The following LRRFIP1 variants were observed in gnomAD, a reference collection of about 807,000 sequenced individuals.
The protein encoded by LRRFIP1 is LRR binding FLII interacting protein 1.
In LRRFIP1, 62 loss-of-function variants were observed where a neutral mutation model predicts 104.4. That is an observed-to-expected ratio of 0.59 (90% confidence interval 0.48 to 0.73). LRRFIP1 has a LOEUF of 0.73. Ranked by LOEUF, LRRFIP1 falls within the 30% of genes least tolerant of loss-of-function variation. LRRFIP1 has a pLI of 0.00. For synonymous variants in LRRFIP1, 300 were observed against 299.0 expected (o/e 1.00, Z -0.03); for missense variants, 796 against 824.5 (o/e 0.97, Z 0.42).
At chr2:237,734,544 T>C (rs916811999) in intron 9 of LRRFIP1, among the ~76,000 whole-genome samples, 47 of 152,072 alleles carry the variant, frequency 3.1e-4, no homozygotes, top group African/African-American at 1.1e-3. Context: ...CCTCCCAGAG[T>C]GCTAGGATTA....
At chr2:237,639,009 T>A (rs907476874) in intron 1 of LRRFIP1, among the ~76,000 whole-genome samples, 3 of 152,210 alleles carry the variant, frequency 2.0e-5, no homozygotes, top group Admixed American at 6.5e-5. Context: ...TTCTTTTTTT[T>A]ATCCGAGAAA....
intron 16 of LRRFIP1, among the ~76,000 whole-genome samples, chr2:237,756,989 A>G (rs905163388): frequency 6.6e-6 from 1 of 151,640 alleles, no homozygotes; most frequent in Non-Finnish European, 1.5e-5. Flanking sequence ...CCATGAGCCA[A>G]GGAAAGCAGC....
At chr2:237,773,053 A>G (rs2060785456) in intron 22 of LRRFIP1, 108 bp downstream of exon 22, 8 of 821,842 alleles carry the variant, frequency 9.7e-6, no homozygotes, top group Non-Finnish European at 1.6e-5. Context: ...TTTAGAACCA[A>G]GAAATGTCCT....
intron 19 of LRRFIP1, among the ~76,000 whole-genome samples, chr2:237,767,330 C>T (rs1048324625): frequency 5.9e-5 from 9 of 152,162 alleles, no homozygotes; most frequent in Admixed American, 2.0e-4. Flanking sequence ...TATCCCCAGA[C>T]GAACCTAGAC....
chr2:237,750,184 G>T (rs2058403442), intron 13 of LRRFIP1, among the ~76,000 whole-genome samples: 1 of 152,190 alleles, frequency 6.6e-6, no homozygotes, highest in Admixed American at 6.5e-5. Context: ...TTTGGCCAGG[G>T]TTACCTTGAA....
rs1553617358 is a variant in LRRFIP1, at chr2:237,645,372, G to GACTCCTGTGTGAATGA, written c.96+17632_96+17633insACTCCTGTGTGAATGA. Among the ~76,000 whole-genome samples the GACTCCTGTGTGAATGA allele has an allele frequency of 4.9e-4, 75 of 152,058 alleles. 1 individual carries two copies. Among genetic ancestry groups the GACTCCTGTGTGAATGA allele is most frequent in the Non-Finnish European group, 7.4e-4 (50 of 67,978 alleles). ...TGGCTGTGTTCCTTCCCTCCTCACT[G>GACTCCTGTGTGAATGA]CCAAGATGCTGCTGAGCCCTGGTCT... On this transcript the variant is annotated intron_variant, in intron 1 of 23. Transcript: ENST00000308482.
chr2:237,720,689 G>C, intron 5 of LRRFIP1, 83 bp from the exon 6 acceptor site: 1 of 1,274,656 alleles, frequency 7.8e-7, no homozygotes, highest in Non-Finnish European at 1.1e-6. Flanking sequence ...TCAGTTCCCA[G>C]CATCCCCCTG....
chr2:237,688,344 T>C (rs1159692716), intron 1 of LRRFIP1, among the ~76,000 whole-genome samples: 1 of 152,152 alleles, frequency 6.6e-6, no homozygotes, highest in Non-Finnish European at 1.5e-5. Flanking sequence ...TGGATCATCC[T>C]TACCAAAAGA....
At chr2:237,653,241 T>C (rs960838037) in intron 1 of LRRFIP1, among the ~76,000 whole-genome samples, 1 of 151,628 alleles carries the variant, frequency 6.6e-6, no homozygotes, top group Non-Finnish European at 1.5e-5. Context: ...AAAAGAAAAA[T>C]AAAGAAAAGA....
chr2:237,662,465 G>A (rs2088199283), intron 1 of LRRFIP1, among the ~76,000 whole-genome samples: 1 of 152,102 alleles, frequency 6.6e-6, no homozygotes, highest in African/African-American at 2.4e-5. Flanking sequence ...AAGGTGTGGT[G>A]TGTGCCATGT....
chr2:237,745,878 C>G (rs1293491042), intron 11 of LRRFIP1, among the ~76,000 whole-genome samples: 2 of 152,034 alleles, frequency 1.3e-5, no homozygotes, highest in Non-Finnish European at 2.9e-5. Flanking sequence ...CATATCCCAC[C>G]AAGAGTTAAA....
chr2:237,773,085 C>T, intron 22 of LRRFIP1, 140 bp downstream of exon 22: 1 of 644,466 alleles, frequency 1.6e-6, no homozygotes, highest in Middle Eastern at 2.5e-4. Context: ...GTTAAGACAG[C>T]AAGTCTTTCC....
chr2:237,702,322 C>G (rs1575612736), intron 1 of LRRFIP1, among the ~76,000 whole-genome samples: 1 of 152,152 alleles, frequency 6.6e-6, no homozygotes, highest in African/African-American at 2.4e-5. Flanking sequence ...CCAGCCATCC[C>G]CACCCTCAAA....
intron 2 of LRRFIP1, among the ~76,000 whole-genome samples, chr2:237,709,548 C>T (rs541963601): frequency 3.3e-5 from 5 of 152,324 alleles, no homozygotes; most frequent in East Asian, 1.9e-4. Context: ...AGTGAGATTT[C>T]GGATAAAAAT....
chr2:237,764,009 A>G, intron 19 of LRRFIP1: 1 of 1,614,238 alleles, frequency 6.2e-7, no homozygotes, highest in South Asian at 1.1e-5. Flanking sequence ...AGCTTTAGAC[A>G]GCAATAGCCT....
chr2:237,743,038 A>G (rs1056046071), intron 11 of LRRFIP1, among the ~76,000 whole-genome samples: 2 of 152,182 alleles, frequency 1.3e-5, no homozygotes, highest in Middle Eastern at 3.4e-3. Context: ...AAAACAAAAA[A>G]AAAACATATG....
At chr2:237,635,054 T>C (rs2082894028) in intron 1 of LRRFIP1, among the ~76,000 whole-genome samples, 1 of 152,180 alleles carries the variant, frequency 6.6e-6, no homozygotes, top group Non-Finnish European at 1.5e-5. Context: ...TGTTGTTAGG[T>C]CCCTATTTTC....
intron 1 of LRRFIP1, among the ~76,000 whole-genome samples, chr2:237,704,885 C>T (rs542104131): frequency 3.3e-5 from 5 of 152,140 alleles, no homozygotes; most frequent in Non-Finnish European, 7.3e-5. Flanking sequence ...CCTTTATCAG[C>T]CCAAGCCCAT....
At position 237,739,268 on chromosome 2, in the gene LRRFIP1, C is replaced by T. The variant is rs747864389; in HGVS notation, c.592C>T (p.Arg198Cys). 4 of 1,565,494 alleles carry T rather than the reference C, an allele frequency of 2.6e-6. No individual in the cohort carries two copies. Among genetic ancestry groups the T allele is most frequent in the Admixed American group, 1.9e-5 (1 of 53,884 alleles). The change falls in exon 11 of 24, where the codon CGC becomes TGC. Residue 198 changes from arginine to cysteine, a missense_variant. Coordinates refer to ENST00000308482, the MANE Select transcript of LRRFIP1 (RefSeq NM_001137550.2). ...CAGCGGCCACCTCAACTCCAGCTCC[C>T]GCGCCTCCTCCAGGGCCAGCTCGGC... ...EYSGHLNSSS[R>C]ASSRASSARA...
Sources: gnomAD v4.1 joint callset for allele counts (sites outside exome capture counted in the v4.1 genomes callset) on GRCh38, gnomAD v4.1.1 for gene constraint, MANE v1.5 for transcripts, NCBI Gene and HGNC (gene_info 2026-07-23, HGNC 2026-07-21) for gene names.